The following MTCH1 variants were observed in gnomAD, a reference collection of about 807,000 sequenced individuals.
The protein encoded by MTCH1 is mitochondrial carrier homolog 1.
A neutral mutation model predicts 49.3 loss-of-function variants in MTCH1; 23 were observed. The ratio of observed to expected loss-of-function variants is 0.47; its 90% CI spans 0.34 to 0.66. MTCH1 has a LOEUF of 0.66. MTCH1 is among the 30% of genes least tolerant of loss of function. MTCH1 has a pLI of 0.01. For missense variants in MTCH1, 397 were observed against 532.1 expected, an observed-to-expected ratio of 0.75 and a Z score of 2.50; for synonymous variants, 229 against 215.2, an observed-to-expected ratio of 1.06 and a Z score of -0.56.
At position 36,986,044 on chromosome 6, in the gene MTCH1, G is replaced by A; in HGVS notation, c.130C>T (p.Pro44Ser). The part of the protein sequence containing the change: ...AGVEARARDP[P>S]PAHRAHPRHP... ...CGAGGATGTGCGCGGTGCGCGGGCG[G>A]TGGATCGCGAGCTCGAGCCTCGACC... Residue 44 changes from proline (P) to serine (S), a missense_variant, in exon 1 of 12, where the codon CCG becomes TCG. Pro to Ser is a moderately conservative substitution (Grantham distance 74). Coordinates refer to ENST00000373627, the MANE Select transcript of MTCH1 (RefSeq NM_001271641.2). 2.7e-6 allele frequency: 4 copies of A among 1,486,326 alleles called. No individual in the cohort carries two copies. Among genetic ancestry groups the A allele is most frequent in the Non-Finnish European group, 3.6e-6 (4 of 1,125,440 alleles). 92.1% of individuals were successfully genotyped at this position (1,486,326 alleles called of 1,614,324 possible). A position where few individuals can be genotyped will look rare whatever the true frequency, so the allele number is the denominator to read the frequency against.
intron 1 of MTCH1, among the ~76,000 whole-genome samples, chr6:36,984,124 C>T (rs1395502469): frequency 6.6e-6 from 1 of 152,166 alleles, no homozygotes; most frequent in Admixed American, 6.5e-5. Context: ...TCCTTCACTC[C>T]ACAGACTCTC....
chr6:36,975,042 C>G (rs189735364), intron 7 of MTCH1, among the ~76,000 whole-genome samples: 2 of 152,150 alleles, frequency 1.3e-5, no homozygotes, highest in African/African-American at 4.8e-5. Context: ...TGTGACGTGA[C>G]GAAGTACAGG....
chr6:36,977,307 C>G lies in MTCH1; in HGVS notation c.650-57G>C. The G allele has an allele frequency of 6.3e-7, 1 of 1,589,190 alleles. No individual in the cohort carries two copies. ...ATGTGGTGGGCCACACTTCATAATG[C>G]TCCAGCCACCGGGTGCCAGGTGCAG... is the stretch of plus-strand genomic sequence containing the variant. On this transcript the variant is annotated intron_variant, in intron 5 of 11. Transcript: ENST00000373627. The surrounding 1 kb of genome is among the most constrained non-coding windows in gnomAD (Gnocchi z 5.4).
At position 36,985,981 on chromosome 6, in the gene MTCH1, T is replaced by C; in HGVS notation, c.193A>G (p.Met65Val). 2 of 1,546,356 alleles carry C rather than the reference T, an allele frequency of 1.3e-6. No homozygotes were observed. Among genetic ancestry groups the C allele is most frequent in the Non-Finnish European group, 1.7e-6 (2 of 1,145,964 alleles). ...RPAAQPSARR[M>V]DGGSGGLGSG... ...CCCAGGCCCCCTGACCCGCCATCCA[T>C]CCTGCGGGCCGAGGGCTGAGCCGCA... Residue 65 changes from methionine (M) to valine (V), a missense_variant, in exon 1 of 12, where the codon ATG (methionine) becomes GTG (valine). Around this residue, in one of 2 missense-constraint regions of MTCH1, gnomAD observed 145 missense variants for 143.8 expected, o/e 1.01. Transcript: ENST00000373627.
Position 36,969,229 on chromosome 6 carries a change from C to CT in MTCH1, c.1099-256dup, listed in dbSNP as rs1023093940. The CT allele has an allele frequency of 6.1e-6, 6 of 985,344 alleles. No individual in the cohort carries two copies. The African/African-American group carries it at 1.0e-4, about 17-fold the overall frequency. 61.0% of individuals were successfully genotyped at this position (985,344 alleles called of 1,614,324 possible). ...CCTAGAGAGGAGGCTCATTGCCCCTCTTGCTTCAGAGCCCAAGTGGTCTAG... is the reference window on the plus strand; with the variant it reads ...CCTAGAGAGGAGGCTCATTGCCCCTCTTTGCTTCAGAGCCCAAGTGGTCTAG... On this transcript the variant is annotated intron_variant, in intron 11 of 11. Coordinates refer to ENST00000373627, the MANE Select transcript of MTCH1 (RefSeq NM_001271641.2).
Position 36,969,506 on chromosome 6 carries a change from G to A in MTCH1, c.1099-532C>T, listed in dbSNP as rs7738972. On this transcript the variant is annotated intron_variant, in intron 11 of 11. Coordinates refer to ENST00000373627, the MANE Select transcript of MTCH1 (RefSeq NM_001271641.2). The stretch of plus-strand genomic sequence containing the variant: ...TGCTGGGCCCAAGAGCTCCAGCTAC[G>A]GAGAGGTAGCTTCGGTACAGAACAC... 4.0e-4 allele frequency: 435 copies of A among 1,084,020 alleles called. 2 individuals are homozygous for A. The African/African-American group carries it at 6.6e-3, about 16-fold the overall frequency. The allele number at this position is 1,084,020 out of a possible 1,614,324, so 67.2% of individuals were successfully genotyped here.
At position 36,968,716 on chromosome 6, in the gene MTCH1, T is replaced by G. The variant is rs1028376722; in HGVS notation, c.*187A>C. ...AGGTCTGCCGGGTGACCCAATCCAC[T>G]GGGTGCAGCCCCACCCCCGCTCAAC... On this transcript the variant is annotated 3_prime_UTR_variant, in exon 12 of 12. Transcript: ENST00000373627. 10 of 935,950 alleles carry G rather than the reference T, an allele frequency of 1.1e-5. No homozygotes were observed. The highest frequency in any genetic ancestry group is 1.2e-5 in the Non-Finnish European group (7 of 597,362). The allele number at this position is 935,950 out of a possible 1,614,324, so 58.0% of individuals were successfully genotyped here. A position where few individuals can be genotyped will look rare whatever the true frequency, so the allele number is the denominator to read the frequency against.
At chr6:36,984,608 C>G (rs1339672985) in intron 1 of MTCH1, among the ~76,000 whole-genome samples, 2 of 152,024 alleles carry the variant, frequency 1.3e-5, no homozygotes, top group Non-Finnish European at 2.9e-5. Context: ...CTTCCTCCCC[C>G]CAAGCTTCTT....
In MTCH1 at chr6:36,969,647, G is replaced by A. The variant is rs939270277; in HGVS notation, c.1098+392C>T. 36 of 1,188,110 alleles carry A rather than the reference G, an allele frequency of 3.0e-5. No homozygotes were observed. In the South Asian group the frequency reaches 3.1e-4, roughly 10 times the overall value. 73.6% of individuals were successfully genotyped at this position (1,188,110 alleles called of 1,614,324 possible). ...GAGGAGTCGGTTTCCAATGCCAGCC[G>A]CCCTAACAACCCAGGAACTCAGCTC... On this transcript the variant is annotated intron_variant, in intron 11 of 11. Transcript: ENST00000373627.
rs2150745141 is a variant in MTCH1, at chr6:36,971,298, C to T, written c.907-604G>A. On this transcript the variant is annotated intron_variant, in intron 8 of 11. Transcript: ENST00000373627. ...TTGAGTGGCTTTGACAGCCCGGCAG[C>T]CTCACCTCGGCCTTTAAGCCACATA... Among the ~76,000 whole-genome samples the T allele has an allele frequency of 1.3e-5, 2 of 152,318 alleles. 1 individual carries two copies. The highest frequency in any genetic ancestry group is 4.1e-4 in the South Asian group (2 of 4,824).
chr6:36,978,946 G>A (rs1213662346), intron 2 of MTCH1, among the ~76,000 whole-genome samples: 1 of 126,836 alleles, frequency 7.9e-6, no homozygotes, highest in African/African-American at 3.1e-5. Flanking sequence ...TCTCAACTCA[G>A]CAACTTAAAT....
Position 36,977,341 on chromosome 6 carries a change from C to A in MTCH1, c.650-91G>T. 7.2e-7 allele frequency: 1 copy of A among 1,385,584 alleles called. No homozygotes were observed. The highest frequency in any genetic ancestry group is 1.7e-5 in the Admixed American group (1 of 58,736). The allele number at this position is 1,385,584 out of a possible 1,614,324, so 85.8% of individuals were successfully genotyped here. On this transcript the variant is annotated intron_variant, in intron 5 of 11. Transcript: ENST00000373627. The surrounding 1 kb of genome is among the most constrained non-coding windows in gnomAD (Gnocchi z 5.4). The stretch of plus-strand genomic sequence containing the variant: ...CCGGGTGCCAGGTGCAGAGTGGCCA[C>A]TGAACAACGTGGCCTATTCAGAGAG...
rs563935869 is a variant in MTCH1, at chr6:36,969,579, C to T, written c.1098+460G>A. On this transcript the variant is annotated intron_variant, in intron 11 of 11. Coordinates refer to ENST00000373627, the MANE Select transcript of MTCH1 (RefSeq NM_001271641.2). ...TGCCAGTTCCCCACGTGGCCCAGCC[C>T]CACCCACAGGCTCTCCTGGGCCCAG... 6 of 1,165,206 alleles carry T rather than the reference C, an allele frequency of 5.1e-6. No homozygotes were observed. The South Asian group carries it at 5.3e-5, about 10-fold the overall frequency. 72.2% of individuals were successfully genotyped at this position (1,165,206 alleles called of 1,614,324 possible).
chr6:36,969,099 G>T, intron 11 of MTCH1, 125 bp from the exon 12 acceptor site: 4 of 1,455,300 alleles, frequency 2.7e-6, no homozygotes, highest in Non-Finnish European at 3.6e-6. Flanking sequence ...GGGGTGGACG[G>T]CCTCGGCCTA....
rs530865782 is a variant in MTCH1 at position 36,968,642 on chromosome 6, T to G, written c.*261A>C. On this transcript the variant is annotated 3_prime_UTR_variant, in exon 12 of 12. Transcript: ENST00000373627. ...CTGCACAAGACAGACTCAGCAAATC[T>G]GCGAGGTATGGGGATTCTGCCAACT... 2.8e-4 allele frequency: 150 copies of G among 544,116 alleles called. 1 individual carries two copies. Among genetic ancestry groups the G allele is most frequent in the African/African-American group, 2.6e-3 (136 of 53,258 alleles). 33.7% of individuals were successfully genotyped at this position (544,116 alleles called of 1,614,324 possible). A position where few individuals can be genotyped will look rare whatever the true frequency, so the allele number is the denominator to read the frequency against.
chr6:36,976,994 G>C (rs1421495551), intron 6 of MTCH1, among the ~76,000 whole-genome samples: 1 of 152,168 alleles, frequency 6.6e-6, no homozygotes, highest in East Asian at 1.9e-4. Context: ...CTCATCTAGG[G>C]CTGCCCTTGA....
Position 36,970,404 on chromosome 6 carries a change from A to G in MTCH1, c.1022+2T>C, listed in dbSNP as rs1249259720. On this transcript the variant is annotated splice_donor_variant, in intron 10 of 11. Coordinates refer to ENST00000373627, the MANE Select transcript of MTCH1 (RefSeq NM_001271641.2). LOFTEE classifies it high-confidence loss of function. ...GTGGCAAGTAGAGGGGCGCACACCT[A>G]CCCGCAGTTGTTCACAGCCATGAGG... 1 of 1,613,830 alleles carries G rather than the reference A, an allele frequency of 6.2e-7. No homozygotes were observed. The highest frequency in any genetic ancestry group is 8.5e-7 in the Non-Finnish European group (1 of 1,179,980).
At chr6:36,985,179 C>T (rs573305433) in intron 1 of MTCH1, among the ~76,000 whole-genome samples, 31 of 152,070 alleles carry the variant, frequency 2.0e-4, no homozygotes, top group Non-Finnish European at 3.7e-4. Context: ...CATTCCCCTG[C>T]AAAAGTCTTT....
At chr6:36,971,691 T>C (rs1232660771) in intron 8 of MTCH1, among the ~76,000 whole-genome samples, 1 of 152,112 alleles carries the variant, frequency 6.6e-6, no homozygotes, top group Non-Finnish European at 1.5e-5. Flanking sequence ...AGAACAGACA[T>C]GTACCACACA....
Sources: allele counts gnomAD v4.1 joint callset (sites outside exome capture counted in the v4.1 genomes callset), GRCh38; gene constraint gnomAD v4.1.1; regional missense constraint gnomAD v4.1.1; non-coding constraint Gnocchi (gnomAD v3.1); transcripts MANE v1.5; gene names NCBI Gene and HGNC (gene_info 2026-07-23, HGNC 2026-07-21).